The following KDM5A variants were observed in gnomAD, a reference collection of about 807,000 sequenced individuals.
The protein encoded by KDM5A is lysine demethylase 5A.
A neutral mutation model predicts 193.5 loss-of-function variants in KDM5A; 42 were observed. That is an observed-to-expected ratio of 0.22 (90% CI 0.17 to 0.28). The LOEUF is 0.28. KDM5A is among the 10% of genes least tolerant of loss of function. KDM5A has a pLI of 1.00. For synonymous variants in KDM5A, 796 were observed against 718.1 expected, an observed-to-expected ratio of 1.11 and a Z score of -1.73; for missense variants, 1,692 against 2,055.1, an observed-to-expected ratio of 0.82 and a Z score of 3.42.
Position 333,411 on chromosome 12 carries a change from CCT to C in KDM5A, c.1653+74_1653+75del. The C allele has an allele frequency of 2.6e-6, 4 of 1,511,318 alleles. No homozygotes were observed. The South Asian group carries it at 3.4e-5, about 13-fold the overall frequency. 93.6% of individuals were successfully genotyped at this position (1,511,318 alleles called of 1,614,324 possible). A position where few individuals can be genotyped will look rare whatever the true frequency, so the allele number is the denominator to read the frequency against. On this transcript the variant is annotated intron_variant, in intron 12 of 27. Coordinates refer to ENST00000399788, the MANE Select transcript of KDM5A (RefSeq NM_001042603.3). Reference sequence around the variant, plus strand: ...TCCAGCCTGGGCAACAGAGCAAGACCCTGTTTCAAAAAAAAAGAAAAAAGAAA... The same window carrying C: ...TCCAGCCTGGGCAACAGAGCAAGACCGTTTCAAAAAAAAAGAAAAAAGAAA...
chr12:388,154 AC>A (rs1944668745), intron 1 of KDM5A: 1 of 368,848 alleles, frequency 2.7e-6, no homozygotes, highest in East Asian at 7.3e-5. Context: ...AAAGAAAAAC[AC>A]CTTTGACCTT....
At chr12:311,855 G>A (rs1007668657) in intron 20 of KDM5A, among the ~76,000 whole-genome samples, 11 of 152,184 alleles carry the variant, frequency 7.2e-5, no homozygotes, top group African/African-American at 2.2e-4. Context: ...CCAACATGGT[G>A]AAACTCCGGC....
intron 15 of KDM5A, 32 bp from the exon 16 acceptor site, chr12:323,238 A>AAAAAAAAAAAAAAAAAAAACCC: frequency 6.7e-7 from 1 of 1,489,778 alleles, no homozygotes; most frequent in Non-Finnish European, 8.9e-7. Context: ...AAAAAAAAAA[A>AAAAAAAAAAAAAAAAAAAACCC]AGAAAACAGA....
rs563587989 is a variant in KDM5A, at chr12:323,790, T to C, written c.1969-9A>G. ...TCTGACATCAGGACACCCTGAAATA[T>C]AATTTATTTCACTAGATCAAGTCTT... On this transcript the variant is annotated splice_polypyrimidine_tract_variant and intron_variant, in intron 14 of 27. Transcript: ENST00000399788. The C allele has an allele frequency of 2.6e-5, 42 of 1,604,494 alleles. No homozygotes were observed. The highest frequency in any genetic ancestry group is 3.3e-5 in the Non-Finnish European group (39 of 1,171,212).
At position 342,084 on chromosome 12, in the gene KDM5A, A is replaced by T. The variant is rs988589238; in HGVS notation, c.1309-7662T>A. Among the ~76,000 whole-genome samples, 55 of 152,322 alleles carry T rather than the reference A, an allele frequency of 3.6e-4. 2 individuals are homozygous for T. Among genetic ancestry groups the T allele is most frequent in the Admixed American group, 3.3e-3 (50 of 15,302 alleles). On this transcript the variant is annotated intron_variant, in intron 10 of 27. Transcript: ENST00000399788. ...GATCCAATTATATGCTATCTACAAG[A>T]GACACACTTCAGATTCTGAGACACA...
chr12:357,657 G>A (rs1283905779), intron 5 of KDM5A, among the ~76,000 whole-genome samples: 5 of 150,556 alleles, frequency 3.3e-5, no homozygotes, highest in African/African-American at 7.3e-5. Context: ...GTGAAACCCC[G>A]TCTCTACTAA....
rs117751428 is a variant in KDM5A at position 367,514 on chromosome 12, T to C, written c.367-1410A>G. Among the ~76,000 whole-genome samples, 121 of 152,118 alleles carry C rather than the reference T, an allele frequency of 8.0e-4. 3 individuals are homozygous for C. In the East Asian group the frequency reaches 0.022, roughly 28 times the overall value. The stretch of plus-strand genomic sequence containing the variant: ...GAGTTCAAGAGCAGCCTGCGCAACA[T>C]AGTGAAACCCCATCTCTTCTAAAAA... On this transcript the variant is annotated intron_variant, in intron 3 of 27. Coordinates refer to ENST00000399788, the MANE Select transcript of KDM5A (RefSeq NM_001042603.3).
At chr12:299,758 A>G (rs1352430498) in intron 24 of KDM5A, among the ~76,000 whole-genome samples, 1 of 152,148 alleles carries the variant, frequency 6.6e-6, no homozygotes, top group Non-Finnish European at 1.5e-5. Context: ...CAATTGGATA[A>G]AGAGTCAAGA....
At chr12:339,712 A>C (rs902449562) in intron 10 of KDM5A, among the ~76,000 whole-genome samples, 2 of 152,200 alleles carry the variant, frequency 1.3e-5, no homozygotes, top group African/African-American at 4.8e-5. Flanking sequence ...CAGCTGTGCA[A>C]ACACCTATGT....
At chr12:345,679 C>T (rs533669122) in intron 10 of KDM5A, among the ~76,000 whole-genome samples, 17 of 152,176 alleles carry the variant, frequency 1.1e-4, no homozygotes, top group African/African-American at 3.4e-4. Flanking sequence ...GGGTAAATAA[C>T]GAAATGAAGG....
In KDM5A at chr12:313,182, A is replaced by G; in HGVS notation, c.2910T>C (p.Ser970=). The change falls in exon 20 of 28, where the codon AGT becomes AGC. Residue 970 remains serine (S), a synonymous_variant. Coordinates refer to ENST00000399788, the MANE Select transcript of KDM5A (RefSeq NM_001042603.3). Reference sequence around the variant, plus strand: ...TCACAATGCTTTCTAAACTTGCCACACTGTGCCTCGGTCTAAAAGAACAAT... The same window carrying G: ...TCACAATGCTTTCTAAACTTGCCACGCTGTGCCTCGGTCTAAAAGAACAAT... The part of the protein sequence containing the change: ...KVCLQARPRH[S]VASLESIVNE... 1 of 1,614,122 alleles carries G rather than the reference A, an allele frequency of 6.2e-7. No individual in the cohort carries two copies. Among genetic ancestry groups the G allele is most frequent in the Non-Finnish European group, 8.5e-7 (1 of 1,179,972 alleles).
intron 18 of KDM5A, among the ~76,000 whole-genome samples, chr12:320,114 A>C (rs1308273455): frequency 6.6e-6 from 1 of 152,252 alleles, no homozygotes; most frequent in Non-Finnish European, 1.5e-5. Flanking sequence ...CATTCAAGAA[A>C]GAGTAGTCAA....
At position 281,567 on chromosome 12, in the gene KDM5A, C is replaced by T. The variant is rs1320095745; in HGVS notation, c.*3889G>A. The T allele has an allele frequency of 4.3e-6, 1 of 233,058 alleles. No individual in the cohort carries two copies. 14.4% of individuals were successfully genotyped at this position (233,058 alleles called of 1,614,324 possible). A position where few individuals can be genotyped will look rare whatever the true frequency, so the allele number is the denominator to read the frequency against. ...AAAAGGAGGAATTTCAAAAGGAGTA[C>T]TTAAGGACCTGCTATAAAAGCAACC... On this transcript the variant is annotated 3_prime_UTR_variant, in exon 28 of 28. Transcript: ENST00000399788.
Position 309,788 on chromosome 12 carries a change from T to C in KDM5A, c.3378+15A>G, listed in dbSNP as rs1289342723. On this transcript the variant is annotated intron_variant, in intron 22 of 27. Coordinates refer to ENST00000399788, the MANE Select transcript of KDM5A (RefSeq NM_001042603.3). ...TATTCACCAAGCAAACTCAAGATGC[T>C]AGGTAATTTCTTACCACCATGGCTG... 5.6e-6 allele frequency: 9 copies of C among 1,613,738 alleles called. No homozygotes were observed. The South Asian group carries it at 8.8e-5, about 16-fold the overall frequency.
intron 18 of KDM5A, among the ~76,000 whole-genome samples, chr12:320,368 T>C (rs1191803871): frequency 6.6e-6 from 1 of 151,968 alleles, no homozygotes; most frequent in African/African-American, 2.4e-5. Context: ...TAGTGGCCCA[T>C]TCCTCCAATC....
At chr12:295,424 C>CA in intron 26 of KDM5A, 149 bp downstream of exon 26, 1 of 750,696 alleles carries the variant, frequency 1.3e-6, no homozygotes, top group Non-Finnish European at 2.4e-6. Flanking sequence ...GCCAGCAAGC[C>CA]ATAAAGCCCA....
intron 13 of KDM5A, among the ~76,000 whole-genome samples, chr12:329,988 T>C (rs1455466386): frequency 1.3e-5 from 2 of 151,720 alleles, no homozygotes; most frequent in Admixed American, 1.3e-4. Context: ...CAAAGAAAAT[T>C]TGAGGCTATC....
intron 24 of KDM5A, among the ~76,000 whole-genome samples, 158 bp from the exon 25 acceptor site, chr12:297,358 T>C (rs200421844): frequency 2.6e-4 from 39 of 152,302 alleles, no homozygotes; most frequent in African/African-American, 8.9e-4. Context: ...AAAATGTCCA[T>C]TGGGGAGAAA....
At chr12:335,804 G>GGGTGAGGTGGGTAGATGACCTGA (rs374367722) in intron 10 of KDM5A, among the ~76,000 whole-genome samples, 3 of 152,166 alleles carry the variant, frequency 2.0e-5, no homozygotes, top group African/African-American at 7.2e-5. Flanking sequence ...CACTTTGGGA[G>GGGTGAGGTGGGTAGATGACCTGA]GGTGAGGTGG....
Sources: allele counts gnomAD v4.1 joint callset (sites outside exome capture counted in the v4.1 genomes callset), GRCh38; gene constraint gnomAD v4.1.1; transcripts MANE v1.5; gene names NCBI Gene and HGNC (gene_info 2026-07-23, HGNC 2026-07-21).